Variants in CSMD1 observed in about 807,000 individuals in gnomAD.
CSMD1 encodes CUB and sushi domain-containing protein 1.
A neutral mutation model predicts 417.5 loss-of-function variants in CSMD1; 213 were observed. That is an observed-to-expected ratio of 0.51 (90% CI 0.46 to 0.57). The LOEUF is 0.57. Among genes scored for constraint, CSMD1 ranks in the 20% least tolerant of loss-of-function variants. The pLI, the probability that CSMD1 is intolerant of heterozygous loss-of-function variation, is 0.00. For missense variants in CSMD1, 6,923 were observed against 4,529.7 expected (o/e 1.53, Z -15.17); for synonymous variants, 2,862 against 1,736.8 (o/e 1.65, Z -16.11).
chr8:4,234,790 A>G (rs917893462), intron 3 of CSMD1, among the ~76,000 whole-genome samples: 5 of 152,160 alleles, frequency 3.3e-5, no homozygotes, highest in African/African-American at 1.2e-4. Context: ...TTGCCCCCAG[A>G]TAATCATGAG....
At chr8:4,937,143 C>T (rs1307770597) in intron 1 of CSMD1, among the ~76,000 whole-genome samples, 2 of 152,258 alleles carry the variant, frequency 1.3e-5, no homozygotes, top group Middle Eastern at 3.4e-3. Context: ...GGCCCAGGAG[C>T]TCAAGGCTGC....
chr8:3,640,799 C>T (rs1283801838), intron 7 of CSMD1, among the ~76,000 whole-genome samples: 2 of 151,954 alleles, frequency 1.3e-5, no homozygotes, highest in Admixed American at 1.3e-4. Context: ...GACGGCCTCA[C>T]AGAGGGATGG....
At chr8:4,745,576 T>A (rs1277996504) in intron 1 of CSMD1, among the ~76,000 whole-genome samples, 8 of 152,164 alleles carry the variant, frequency 5.3e-5, no homozygotes, top group African/African-American at 1.7e-4. Flanking sequence ...GTAGCAGACA[T>A]TTCTTAGATG....
At chr8:3,925,987 C>T (rs1809632363) in intron 5 of CSMD1, among the ~76,000 whole-genome samples, 1 of 149,932 alleles carries the variant, frequency 6.7e-6, no homozygotes, top group Non-Finnish European at 1.5e-5. Context: ...CCAATTTACC[C>T]TATGAAACTA....
At chr8:4,441,890 A>G (rs1472779663) in intron 2 of CSMD1, among the ~76,000 whole-genome samples, 1 of 152,236 alleles carries the variant, frequency 6.6e-6, no homozygotes, top group Non-Finnish European at 1.5e-5. Context: ...GTATGCTGCT[A>G]CAATTTTAGG....
chr8:4,378,592 TG>T (rs1802902932), intron 3 of CSMD1, among the ~76,000 whole-genome samples: 1 of 152,182 alleles, frequency 6.6e-6, no homozygotes. Flanking sequence ...TCAAATACCT[TG>T]AGTCAAAAAG....
At chr8:3,055,791 G>C (rs1026151675) in intron 49 of CSMD1, among the ~76,000 whole-genome samples, 4 of 152,116 alleles carry the variant, frequency 2.6e-5, no homozygotes, top group Admixed American at 2.6e-4. Context: ...TTTTGTTTGG[G>C]AGCACAGGCC....
chr8:4,412,010 G>GTGTA (rs1796676682), intron 3 of CSMD1, among the ~76,000 whole-genome samples: 1 of 150,662 alleles, frequency 6.6e-6, no homozygotes, highest in Admixed American at 6.6e-5. Flanking sequence ...GTGTGTGTGT[G>GTGTA]TGTGTGTAGC....
intron 5 of CSMD1, among the ~76,000 whole-genome samples, chr8:3,996,230 T>A (rs1383776487): frequency 1.3e-5 from 2 of 152,200 alleles, no homozygotes; most frequent in African/African-American, 4.8e-5. Context: ...AGGTGTGCAG[T>A]CAATGCCCAA....
chr8:4,331,059 A>C (rs11136731), intron 3 of CSMD1, among the ~76,000 whole-genome samples: 1 of 151,900 alleles, frequency 6.6e-6, no homozygotes, highest in Non-Finnish European at 1.5e-5. Context: ...CTATTTCTTC[A>C]TAATTTTTGT....
At chr8:3,741,516 TAC>T (rs1043551712) in intron 6 of CSMD1, among the ~76,000 whole-genome samples, 22 of 152,256 alleles carry the variant, frequency 1.4e-4, no homozygotes, top group African/African-American at 5.3e-4. Context: ...CCTTTTGTTT[TAC>T]AGTTTTTAGT....
chr8:4,212,735 C>CA (rs1375871016), intron 3 of CSMD1, among the ~76,000 whole-genome samples: 1 of 124,794 alleles, frequency 8.0e-6, no homozygotes, highest in African/African-American at 3.4e-5. Flanking sequence ...GAAAAGTTTA[C>CA]AACAGCGGCC....
chr8:4,728,480 G>A (rs766259011), intron 1 of CSMD1, among the ~76,000 whole-genome samples: 19 of 152,180 alleles, frequency 1.2e-4, no homozygotes, highest in Non-Finnish European at 2.2e-4. Flanking sequence ...GCAGAGTGCT[G>A]CCATGTAGCA....
At chr8:4,460,297 G>C (rs1046591552) in intron 2 of CSMD1, among the ~76,000 whole-genome samples, 1 of 151,984 alleles carries the variant, frequency 6.6e-6, no homozygotes, top group Non-Finnish European at 1.5e-5. Context: ...CGAAAATGGA[G>C]ATCAAATACA....
At chr8:4,097,772 C>T (rs772578057) in intron 3 of CSMD1, among the ~76,000 whole-genome samples, 12 of 152,120 alleles carry the variant, frequency 7.9e-5, no homozygotes, top group South Asian at 6.2e-4. Flanking sequence ...TGGGTAAGTA[C>T]GAACATTAGT....
chr8:3,323,007 C>T (rs1806254962), intron 23 of CSMD1, among the ~76,000 whole-genome samples: 1 of 152,168 alleles, frequency 6.6e-6, no homozygotes, highest in Admixed American at 6.6e-5. Flanking sequence ...CTAAACCTCA[C>T]AGTCATGGTT....
At chr8:4,056,714 T>C (rs1338827622) in intron 3 of CSMD1, among the ~76,000 whole-genome samples, 1 of 150,734 alleles carries the variant, frequency 6.6e-6, no homozygotes, top group Non-Finnish European at 1.5e-5. Context: ...GGCCCTGGTG[T>C]GTGATGTACC....
intron 49 of CSMD1, among the ~76,000 whole-genome samples, chr8:3,075,536 C>T (rs908925027): frequency 2.0e-5 from 3 of 152,054 alleles, no homozygotes; most frequent in African/African-American, 7.2e-5. Context: ...CCACCTAGGC[C>T]TCCCAAAGTG....
In CSMD1 at chr8:3,367,018, C is replaced by T. The variant is rs751192383; in HGVS notation, c.3115+14G>A. The T allele has an allele frequency of 1.0e-4, 161 of 1,602,622 alleles. No individual in the cohort carries two copies. The highest frequency in any genetic ancestry group is 1.3e-4 in the Non-Finnish European group (148 of 1,170,850). ...GTTGCCAGAGGAGAGAAACAGCAAA[C>T]AAGACCAACATACCTGAAAATGTGA... On this transcript the variant is annotated intron_variant, in intron 20 of 69. Coordinates refer to ENST00000635120, the MANE Select transcript of CSMD1 (RefSeq NM_033225.6).
Sources: allele counts gnomAD v4.1 joint callset (sites outside exome capture counted in the v4.1 genomes callset), GRCh38; gene constraint gnomAD v4.1.1; transcripts MANE v1.5; gene names NCBI Gene and HGNC (gene_info 2026-07-23, HGNC 2026-07-21).